Variants in COG7 observed in about 807,000 individuals in gnomAD.
The protein encoded by COG7 is component of oligomeric golgi complex 7, also known as conserved oligomeric Golgi complex subunit 7.
COG7 carries 49 observed loss-of-function variants against 91.5 expected under a neutral mutation model. That is an observed-to-expected ratio of 0.54 (90% confidence interval 0.43 to 0.68). COG7 has a LOEUF of 0.68. Ranked by LOEUF, COG7 falls within the 30% of genes least tolerant of loss-of-function variation. COG7 has a pLI of 0.00. For synonymous variants in COG7, 365 were observed against 388.7 expected (o/e 0.94, Z 0.72); for missense variants, 895 against 961.3 (o/e 0.93, Z 0.91).
In COG7 at chr16:23,396,050, C is replaced by T. The variant is rs909228260; in HGVS notation, c.1887+1996G>A. Among the ~76,000 whole-genome samples, 5 of 152,372 alleles carry T rather than the reference C, an allele frequency of 3.3e-5. No individual in the cohort carries two copies. The East Asian group carries it at 9.6e-4, about 29-fold the overall frequency. The stretch of plus-strand genomic sequence containing the variant: ...GCCACTGGGTAAGTCGCTGCTTCCT[C>T]CCAGCCCCACTCCCACTGTGAAGGA... On this transcript the variant is annotated intron_variant, in intron 14 of 16. Coordinates refer to ENST00000307149, the MANE Select transcript of COG7 (RefSeq NM_153603.4).
chr16:23,410,161 C>A, intron 11 of COG7, 134 bp downstream of exon 11: 1 of 728,412 alleles, frequency 1.4e-6, no homozygotes. Flanking sequence ...CACGCTGTAT[C>A]TAGGTACAGA....
Position 23,418,721 on chromosome 16 carries a change from G to A in COG7, c.1116C>T (p.Ile372=). The part of the protein sequence containing the change: ...YGDMEESNLL[I]QMSAVPLEHG... ...TTACCAGAGGCACAGCACTCATCTG[G>A]ATGAGGAGGTTGCTCTCTTCCATGT... is the stretch of plus-strand genomic sequence containing the variant. Residue 372 remains isoleucine, a synonymous_variant, in exon 8 of 17, where the codon ATC becomes ATT. Coordinates refer to ENST00000307149, the MANE Select transcript of COG7 (RefSeq NM_153603.4). 2 of 1,613,862 alleles carry A rather than the reference G, an allele frequency of 1.2e-6. No homozygotes were observed. The highest frequency in any genetic ancestry group is 1.1e-5 in the South Asian group (1 of 91,068).
At chr16:23,412,209 C>A (rs991612082) in intron 10 of COG7, among the ~76,000 whole-genome samples, 2 of 152,132 alleles carry the variant, frequency 1.3e-5, no homozygotes, top group African/African-American at 4.8e-5. Flanking sequence ...TGGTGCTTCT[C>A]TTCTCTGCCA....
intron 4 of COG7, chr16:23,441,809 T>C (rs1964105870): frequency 6.6e-6 from 1 of 152,312 alleles, no homozygotes; most frequent in South Asian, 2.1e-4. Context: ...GCCAATCTCA[T>C]ACTTATCAGA....
At chr16:23,436,872 AC>A (rs1265646493) in intron 4 of COG7, among the ~76,000 whole-genome samples, 1 of 152,128 alleles carries the variant, frequency 6.6e-6, no homozygotes, top group Non-Finnish European at 1.5e-5. Context: ...CCAAAAGAAA[AC>A]ATTGTTTTAT....
intron 6 of COG7, among the ~76,000 whole-genome samples, chr16:23,432,021 C>T (rs935343294): frequency 6.6e-6 from 1 of 151,786 alleles, no homozygotes; most frequent in Non-Finnish European, 1.5e-5. Flanking sequence ...GTGGCACATA[C>T]GTGTATTCCT....
At chr16:23,449,914 T>A (rs1964241537) in intron 1 of COG7, among the ~76,000 whole-genome samples, 1 of 152,012 alleles carries the variant, frequency 6.6e-6, no homozygotes, top group Non-Finnish European at 1.5e-5. Flanking sequence ...GTACCAAACC[T>A]CATATATGTG....
Position 23,403,713 on chromosome 16 carries a change from A to T in COG7, c.1784T>A (p.Leu595Ter). 1 of 1,614,102 alleles carries T rather than the reference A, an allele frequency of 6.2e-7. No individual in the cohort carries two copies. Among genetic ancestry groups the T allele is most frequent in the Non-Finnish European group, 8.5e-7 (1 of 1,179,988 alleles). Residue 595 changes from leucine (L) to a stop codon, truncating the protein, a stop_gained, in exon 13 of 17, where the codon TTG becomes TAG. Coordinates refer to ENST00000307149, the MANE Select transcript of COG7 (RefSeq NM_153603.4). LOFTEE classifies it high-confidence loss of function. ...ACTCACGTCCATCTTCGAAATAAGC[A>T]ACAGCTGTTGTTTGATGCGCAGGAA... ...SVFLRIKQQL[L>*]LISKMDSWNT...
At chr16:23,413,362 A>G (rs1963597430) in intron 10 of COG7, 86 bp downstream of exon 10, 1 of 831,912 alleles carries the variant, frequency 1.2e-6, no homozygotes, top group African/African-American at 1.7e-5. Flanking sequence ...CCCCTTCCAA[A>G]CACATTTGTC....
intron 7 of COG7, among the ~76,000 whole-genome samples, chr16:23,419,146 C>T (rs912165972): frequency 1.3e-5 from 2 of 152,154 alleles, no homozygotes; most frequent in Admixed American, 6.5e-5. Context: ...TGGCTCACGC[C>T]TGTAATCCCA....
chr16:23,444,687 T>C (rs1964154441), intron 3 of COG7, among the ~76,000 whole-genome samples: 1 of 151,782 alleles, frequency 6.6e-6, no homozygotes, highest in South Asian at 2.1e-4. Context: ...AATTTTTTTG[T>C]AGAGACGGGG....
At chr16:23,412,784 C>T (rs1466687420) in intron 10 of COG7, 2 of 152,694 alleles carry the variant, frequency 1.3e-5, no homozygotes, top group African/African-American at 4.8e-5. Flanking sequence ...CTCCCAGGTT[C>T]AAGCAATTCC....
chr16:23,395,686 T>C (rs1963274580), intron 14 of COG7, among the ~76,000 whole-genome samples: 1 of 152,224 alleles, frequency 6.6e-6, no homozygotes, highest in Non-Finnish European at 1.5e-5. Flanking sequence ...CTCAGGGATC[T>C]TGTCTCTATT....
chr16:23,445,204 C>A, intron 2 of COG7, 40 bp from the exon 3 acceptor site: 1 of 1,378,578 alleles, frequency 7.3e-7, no homozygotes, highest in South Asian at 1.2e-5. Flanking sequence ...AGGGGTAGGT[C>A]CTTTTTCTCC....
chr16:23,452,645 C>T (rs1255805267), intron 1 of COG7, 181 bp downstream of exon 1: 8 of 1,397,996 alleles, frequency 5.7e-6, no homozygotes, highest in Admixed American at 2.9e-5. Flanking sequence ...GTGTTCAAGA[C>T]AGCCCGGCAC....
chr16:23,432,117 A>G (rs1384817062), intron 6 of COG7, among the ~76,000 whole-genome samples: 1 of 152,162 alleles, frequency 6.6e-6, no homozygotes, highest in Non-Finnish European at 1.5e-5. Context: ...ACTGCACTCT[A>G]GCCTGCATGA....
chr16:23,424,285 G>A (rs768089360), intron 7 of COG7, among the ~76,000 whole-genome samples: 1 of 105,370 alleles, frequency 9.5e-6, no homozygotes, highest in Non-Finnish European at 1.8e-5. Flanking sequence ...CAACAAGAGC[G>A]AAACTCCATC....
rs765890529 is a variant in COG7, at chr16:23,388,906, G to T, written c.*14C>A. ...GCAGCCCTGGCTCTCTTGGTGGTCC[G>T]GTGTGTGGTGGGGTCAGTAATTCAC... is the stretch of plus-strand genomic sequence containing the variant. On this transcript the variant is annotated 3_prime_UTR_variant, in exon 17 of 17. Coordinates refer to ENST00000307149, the MANE Select transcript of COG7 (RefSeq NM_153603.4). 2.5e-6 allele frequency: 4 copies of T among 1,613,602 alleles called. No individual in the cohort carries two copies. In the East Asian group the frequency reaches 8.9e-5, roughly 36 times the overall value.
Position 23,433,749 on chromosome 16 carries a change from C to T in COG7, c.688-82G>A, listed in dbSNP as rs960346763. On this transcript the variant is annotated intron_variant, in intron 5 of 16. Coordinates refer to ENST00000307149, the MANE Select transcript of COG7 (RefSeq NM_153603.4). Reference sequence around the variant, plus strand: ...AACACTGCCCTGCCCTGCTACCCAGCGTAATCACGGATTGCTCAATGGGCT... The same window carrying T: ...AACACTGCCCTGCCCTGCTACCCAGTGTAATCACGGATTGCTCAATGGGCT... The T allele has an allele frequency of 6.4e-6, 10 of 1,557,264 alleles. No individual in the cohort carries two copies. The East Asian group carries it at 6.8e-5, about 11-fold the overall frequency.
Sources: allele counts gnomAD v4.1 joint callset (sites outside exome capture counted in the v4.1 genomes callset), GRCh38; gene constraint gnomAD v4.1.1; transcripts MANE v1.5; gene names NCBI Gene and HGNC (gene_info 2026-07-23, HGNC 2026-07-21).